WWOX: variants seen among roughly 807,000 people sequenced by gnomAD.
WWOX encodes the protein WW domain containing oxidoreductase, also known as WW domain-containing oxidoreductase.
In WWOX, 69 loss-of-function variants were observed where a neutral mutation model predicts 46.2. That is an observed-to-expected ratio of 1.49 (90% CI 1.23 to 1.82). The LOEUF is 1.82. Ranked by LOEUF, WWOX falls within the 40% of genes most tolerant of loss-of-function variation. WWOX has a pLI of 0.00. For missense variants in WWOX, 919 were observed against 542.6 expected, an observed-to-expected ratio of 1.69 and a Z score of -6.89; for synonymous variants, 359 against 202.6, an observed-to-expected ratio of 1.77 and a Z score of -6.56.
rs74703744 is a variant in WWOX, at chr16:78,237,885, C to T, written c.516+73596C>T. On this transcript the variant is annotated intron_variant, in intron 5 of 8. Transcript: ENST00000566780. Reference sequence around the variant, plus strand: ...AAAGCCTAAGTTGTTTACTATTTAGCCCTTTACAAAAAAAGTTTGCCAGCA... The same window carrying T: ...AAAGCCTAAGTTGTTTACTATTTAGTCCTTTACAAAAAAAGTTTGCCAGCA... Among the ~76,000 whole-genome samples, 4 of 152,126 alleles carry T rather than the reference C, an allele frequency of 2.6e-5. No individual in the cohort carries two copies. The South Asian group carries it at 8.3e-4, about 31-fold the overall frequency.
At chr16:78,188,411 C>T (rs2035776845) in intron 5 of WWOX, among the ~76,000 whole-genome samples, 1 of 151,574 alleles carries the variant, frequency 6.6e-6, no homozygotes, top group Non-Finnish European at 1.5e-5. Flanking sequence ...TGGCGTGAAC[C>T]CAGGAGGCGG....
At chr16:78,900,755 A>G (rs1203914872) in intron 8 of WWOX, among the ~76,000 whole-genome samples, 1 of 152,182 alleles carries the variant, frequency 6.6e-6, no homozygotes, top group Non-Finnish European at 1.5e-5. Context: ...CACTTTCAAG[A>G]ATATTCATAG....
intron 8 of WWOX, among the ~76,000 whole-genome samples, chr16:78,539,805 A>G (rs1161656565): frequency 6.6e-6 from 1 of 152,212 alleles, no homozygotes; most frequent in African/African-American, 2.4e-5. Context: ...CAGAGCATTT[A>G]TCTTTGATGC....
At chr16:78,609,476 GA>G (rs770685251) in intron 8 of WWOX, among the ~76,000 whole-genome samples, 3,770 of 139,322 alleles carry the variant, frequency 0.027, 99 homozygotes, top group African/African-American at 0.076. Flanking sequence ...ACTTAAAAAA[GA>G]AAAAAAAAAA....
intron 8 of WWOX, among the ~76,000 whole-genome samples, chr16:78,445,140 A>T (rs2083530590): frequency 6.6e-6 from 1 of 152,168 alleles, no homozygotes; most frequent in Admixed American, 6.5e-5. Flanking sequence ...GAAATGATAC[A>T]GGTGTACATC....
chr16:78,660,441 T>C (rs1440080143), intron 8 of WWOX, among the ~76,000 whole-genome samples: 1 of 152,168 alleles, frequency 6.6e-6, no homozygotes, highest in Non-Finnish European at 1.5e-5. Flanking sequence ...GCTTTCATTT[T>C]TCAGTTGCCA....
At chr16:78,614,708 G>A (rs1024155350) in intron 8 of WWOX, among the ~76,000 whole-genome samples, 1 of 152,188 alleles carries the variant, frequency 6.6e-6, no homozygotes, top group Non-Finnish European at 1.5e-5. Context: ...GAAGAGGGAC[G>A]GGGCCAACAG....
At position 78,260,618 on chromosome 16, in the gene WWOX, A is replaced by T. The variant is rs1007903953; in HGVS notation, c.516+96329A>T. Among the ~76,000 whole-genome samples the T allele has an allele frequency of 3.9e-4, 59 of 150,734 alleles. 2 individuals are homozygous for T. The highest frequency in any genetic ancestry group is 4.4e-4 in the Non-Finnish European group (30 of 67,652). ...GGGAGGTGGAGGTTGCAGTGAGCCG[A>T]GATTGCACCACTGCACTCCAGCCTG... On this transcript the variant is annotated intron_variant, in intron 5 of 8. Transcript: ENST00000566780.
chr16:79,133,780 G>T (rs546803025), intron 8 of WWOX, among the ~76,000 whole-genome samples: 1 of 152,166 alleles, frequency 6.6e-6, no homozygotes, highest in Non-Finnish European at 1.5e-5. Flanking sequence ...TTAACTAGGC[G>T]TATAGAATTG....
chr16:78,386,836 T>A, intron 5 of WWOX, 24 bp from the exon 6 acceptor site: 1 of 1,599,826 alleles, frequency 6.3e-7, no homozygotes, highest in South Asian at 1.1e-5. Context: ...ATTTATCATT[T>A]CTTTTTATTT....
chr16:78,259,379 T>A (rs946947007), intron 5 of WWOX, among the ~76,000 whole-genome samples: 1 of 152,198 alleles, frequency 6.6e-6, no homozygotes, highest in Non-Finnish European at 1.5e-5. Flanking sequence ...CAGGTTGGAG[T>A]GCAGTGGCAC....
intron 8 of WWOX, among the ~76,000 whole-genome samples, chr16:78,856,380 C>G (rs1035846905): frequency 6.6e-6 from 1 of 152,124 alleles, no homozygotes; most frequent in African/African-American, 2.4e-5. Context: ...CAGTGGCTCA[C>G]GCCTGTAATC....
At chr16:79,206,386 C>T (rs1432253162) in intron 8 of WWOX, 2 of 152,196 alleles carry the variant, frequency 1.3e-5, no homozygotes, top group African/African-American at 2.4e-5. Context: ...GTCACTCACT[C>T]TACGTAATTA....
At chr16:78,897,816 C>A (rs894424694) in intron 8 of WWOX, 1 of 152,186 alleles carries the variant, frequency 6.6e-6, no homozygotes, top group African/African-American at 2.4e-5. Flanking sequence ...TGTTGCTTCA[C>A]ATCCTCATCA....
chr16:78,989,595 G>A (rs1328065107), intron 8 of WWOX, among the ~76,000 whole-genome samples: 1 of 152,142 alleles, frequency 6.6e-6, no homozygotes, highest in African/African-American at 2.4e-5. Flanking sequence ...CTTGTGTTTG[G>A]GGATAAATAC....
intron 8 of WWOX, among the ~76,000 whole-genome samples, chr16:79,011,459 T>TTTTATTTATTTATTTA (rs56691445): frequency 7.6e-6 from 1 of 131,978 alleles, no homozygotes; most frequent in Non-Finnish European, 1.6e-5. Context: ...TTATTTTTTA[T>TTTTATTTATTTATTTA]TTTATTTATT....
chr16:78,294,707 C>A (rs904676293), intron 5 of WWOX, among the ~76,000 whole-genome samples: 1 of 118,990 alleles, frequency 8.4e-6, no homozygotes, highest in Non-Finnish European at 1.9e-5. Context: ...GCCTTATGTT[C>A]CCAGCAGGAA....
chr16:78,259,707 G>C (rs2038228483), intron 5 of WWOX, among the ~76,000 whole-genome samples: 1 of 151,388 alleles, frequency 6.6e-6, no homozygotes, highest in Non-Finnish European at 1.5e-5. Flanking sequence ...ATATACTGTG[G>C]ATGGGAAGAA....
chr16:78,296,260 C>CT (rs111432266), intron 5 of WWOX, among the ~76,000 whole-genome samples: 12,039 of 151,450 alleles, frequency 0.079, 1,471 homozygotes, highest in African/African-American at 0.26. Context: ...TTGGATGTAC[C>CT]GCCACAGATG....
Sources: allele counts gnomAD v4.1 joint callset (sites outside exome capture counted in the v4.1 genomes callset), GRCh38; gene constraint gnomAD v4.1.1; transcripts MANE v1.5; gene names NCBI Gene and HGNC (gene_info 2026-07-23, HGNC 2026-07-21).